NOS1AP: variants seen among roughly 807,000 people sequenced by gnomAD.
NOS1AP encodes nitric oxide synthase 1 adaptor protein, also known as carboxyl-terminal PDZ ligand of neuronal nitric oxide synthase protein.
In NOS1AP, 21 loss-of-function variants were observed where a neutral mutation model predicts 56.2. The ratio of observed to expected loss-of-function variants is 0.37; its 90% CI spans 0.26 to 0.54. NOS1AP has a LOEUF of 0.54. NOS1AP is among the 20% of genes least tolerant of loss of function. NOS1AP has a pLI of 0.84. For missense variants in NOS1AP, 522 were observed against 657.8 expected (o/e 0.79, Z 2.26); for synonymous variants, 270 against 274.6 (o/e 0.98, Z 0.17).
At chr1:162,247,840 C>G (rs1220193948) in intron 2 of NOS1AP, among the ~76,000 whole-genome samples, 1 of 152,200 alleles carries the variant, frequency 6.6e-6, no homozygotes, top group Non-Finnish European at 1.5e-5. Context: ...TGCACATGAT[C>G]TGATGGCCTT....
intron 4 of NOS1AP, among the ~76,000 whole-genome samples, chr1:162,304,512 C>T (rs1023360422): frequency 5.3e-5 from 8 of 152,036 alleles, no homozygotes; most frequent in African/African-American, 1.9e-4. Flanking sequence ...TCCATCCATT[C>T]ACTTTTAGGA....
chr1:162,089,345 T>C (rs1235774046), intron 1 of NOS1AP, among the ~76,000 whole-genome samples: 2 of 152,202 alleles, frequency 1.3e-5, no homozygotes, highest in Non-Finnish European at 2.9e-5. Flanking sequence ...CTCACTTGCT[T>C]TATCCTACAC....
chr1:162,173,620 A>G (rs2102135082), intron 2 of NOS1AP, among the ~76,000 whole-genome samples: 1 of 152,368 alleles, frequency 6.6e-6, no homozygotes, highest in East Asian at 1.9e-4. Flanking sequence ...CTACCATCAG[A>G]GTGAACAGGC....
chr1:162,320,447 C>A (rs983487323), intron 4 of NOS1AP, among the ~76,000 whole-genome samples: 3 of 152,110 alleles, frequency 2.0e-5, no homozygotes, highest in Admixed American at 6.5e-5. Context: ...GGAAAGTATT[C>A]GTTTGCTTGA....
chr1:162,232,701 T>A (rs1214782800), intron 2 of NOS1AP, among the ~76,000 whole-genome samples: 1 of 152,198 alleles, frequency 6.6e-6, no homozygotes, highest in Non-Finnish European at 1.5e-5. Context: ...TGAAAGTACA[T>A]GAGACCAACC....
At chr1:162,296,639 G>A (rs1229896849) in intron 3 of NOS1AP, among the ~76,000 whole-genome samples, 4 of 152,168 alleles carry the variant, frequency 2.6e-5, no homozygotes, top group Non-Finnish European at 1.5e-5. Context: ...GGCCCTGGGA[G>A]CCTGGTTTCT....
chr1:162,295,986 G>A (rs1220903045), intron 3 of NOS1AP, among the ~76,000 whole-genome samples: 1 of 152,068 alleles, frequency 6.6e-6, no homozygotes, highest in Non-Finnish European at 1.5e-5. Context: ...AGGAGATTGG[G>A]TTAAAAAGCT....
intron 2 of NOS1AP, among the ~76,000 whole-genome samples, chr1:162,260,456 GC>G (rs1654170622): frequency 6.6e-6 from 1 of 152,116 alleles, no homozygotes; most frequent in African/African-American, 2.4e-5. Context: ...ACAAGTAGGA[GC>G]TTTGTAACGC....
At chr1:162,249,799 C>T (rs1202844590) in intron 2 of NOS1AP, among the ~76,000 whole-genome samples, 2 of 152,168 alleles carry the variant, frequency 1.3e-5, no homozygotes, top group Non-Finnish European at 1.5e-5. Flanking sequence ...TGAGTGTAAA[C>T]ATTCAACCAT....
At chr1:162,322,515 G>C (rs1266552795) in intron 4 of NOS1AP, among the ~76,000 whole-genome samples, 2 of 152,168 alleles carry the variant, frequency 1.3e-5, no homozygotes, top group Non-Finnish European at 2.9e-5. Context: ...CAGGTACAGA[G>C]GGAGTTATGG....
At chr1:162,116,992 C>T (rs1039091553) in intron 1 of NOS1AP, among the ~76,000 whole-genome samples, 1 of 152,038 alleles carries the variant, frequency 6.6e-6, no homozygotes, top group African/African-American at 2.4e-5. Flanking sequence ...TTCCATTGTC[C>T]GAATCAAAAT....
chr1:162,083,775 G>T (rs1015878505), intron 1 of NOS1AP, among the ~76,000 whole-genome samples: 15 of 152,102 alleles, frequency 9.9e-5, no homozygotes, highest in African/African-American at 3.1e-4. Context: ...GGAGTAATCA[G>T]AATCACCTGA....
At chr1:162,182,204 T>C (rs962667475) in intron 2 of NOS1AP, among the ~76,000 whole-genome samples, 5 of 152,142 alleles carry the variant, frequency 3.3e-5, no homozygotes, top group African/African-American at 1.2e-4. Flanking sequence ...ATTTACAGTG[T>C]CTGCTTCCTG....
At chr1:162,157,798 G>C (rs373036806) in intron 2 of NOS1AP, among the ~76,000 whole-genome samples, 1 of 152,194 alleles carries the variant, frequency 6.6e-6, no homozygotes, top group African/African-American at 2.4e-5. Flanking sequence ...TTGAGCTGGG[G>C]CTCTAGCTGG....
At chr1:162,108,429 A>T (rs530336828) in intron 1 of NOS1AP, among the ~76,000 whole-genome samples, 1 of 152,242 alleles carries the variant, frequency 6.6e-6, no homozygotes, top group Admixed American at 6.5e-5. Flanking sequence ...TCACTTTTGC[A>T]GGATGCTAGG....
intron 4 of NOS1AP, among the ~76,000 whole-genome samples, chr1:162,331,717 G>T (rs909867771): frequency 6.6e-6 from 1 of 152,136 alleles, no homozygotes; most frequent in Non-Finnish European, 1.5e-5. Context: ...AAATGATGTG[G>T]CCTCTTAGGT....
intron 3 of NOS1AP, among the ~76,000 whole-genome samples, chr1:162,299,029 GAGATCAAACCATCTTT>G (rs1655559239): frequency 6.6e-6 from 1 of 152,178 alleles, no homozygotes; most frequent in Non-Finnish European, 1.5e-5. Flanking sequence ...ATTTTGCCCT[GAGATCAAACCATCTTT>G]TAAGCATATT....
intron 1 of NOS1AP, among the ~76,000 whole-genome samples, chr1:162,101,531 AC>A (rs1324080889): frequency 2.6e-5 from 4 of 152,064 alleles, no homozygotes; most frequent in African/African-American, 9.7e-5. Context: ...GGCAGTATGT[AC>A]TTTGGGCATT....
At chr1:162,095,367 G>A (rs1692216851) in intron 1 of NOS1AP, among the ~76,000 whole-genome samples, 2 of 152,134 alleles carry the variant, frequency 1.3e-5, no homozygotes, top group South Asian at 4.1e-4. Context: ...TGCAAACCAG[G>A]AAGAAACTAA....
Sources: allele counts gnomAD v4.1 joint callset (sites outside exome capture counted in the v4.1 genomes callset), GRCh38; gene constraint gnomAD v4.1.1; transcripts MANE v1.5; gene names NCBI Gene and HGNC (gene_info 2026-07-23, HGNC 2026-07-21).